Variants in GTF2B observed in about 807,000 individuals in gnomAD.
GTF2B encodes general transcription factor IIB.
Under a neutral mutation model 34.6 loss-of-function variants are expected in GTF2B, and 20 were observed. The ratio of observed to expected loss-of-function variants is 0.58; its 90% CI spans 0.41 to 0.84. GTF2B has a LOEUF of 0.84. GTF2B is among the 40% of genes least tolerant of loss of function. GTF2B has a pLI of 0.00. For missense variants in GTF2B, 237 were observed against 393.3 expected, an observed-to-expected ratio of 0.60 and a Z score of 3.36; for synonymous variants, 142 against 132.4, an observed-to-expected ratio of 1.07 and a Z score of -0.50.
rs1673583211 is a variant in GTF2B, at chr1:88,867,290, A to T, written c.125-3176T>A. ...CATATGTATGCACCTACGTTTTCCTAAAATTTAGATACTGTGCCTGTTTCA... is the reference window on the plus strand; with the variant it reads ...CATATGTATGCACCTACGTTTTCCTTAAATTTAGATACTGTGCCTGTTTCA... On this transcript the variant is annotated intron_variant, in intron 2 of 6. Coordinates refer to ENST00000370500, the MANE Select transcript of GTF2B (RefSeq NM_001514.6). Among the ~76,000 whole-genome samples the T allele has an allele frequency of 2.0e-5, 3 of 152,186 alleles. No homozygotes were observed. In the South Asian group the frequency reaches 6.2e-4, roughly 31 times the overall value.
intron 2 of GTF2B, among the ~76,000 whole-genome samples, chr1:88,872,888 C>T (rs1283166209): frequency 2.0e-5 from 3 of 152,132 alleles, no homozygotes; most frequent in Admixed American, 2.0e-4. Flanking sequence ...GACCCTTTAG[C>T]GCACTGATCA....
chr1:88,881,642 A>G (rs1673943328), intron 2 of GTF2B, among the ~76,000 whole-genome samples: 1 of 152,312 alleles, frequency 6.6e-6, no homozygotes, highest in Middle Eastern at 3.4e-3. Flanking sequence ...TTAACCACAA[A>G]TATCTATGAA....
chr1:88,885,743 T>C (rs981198968), intron 2 of GTF2B, among the ~76,000 whole-genome samples: 1 of 152,152 alleles, frequency 6.6e-6, no homozygotes, highest in Non-Finnish European at 1.5e-5. Context: ...AGAGCAAAAC[T>C]CCGTCTCAAA....
intron 6 of GTF2B, among the ~76,000 whole-genome samples, chr1:88,856,518 C>A (rs1673317477): frequency 6.6e-6 from 1 of 151,978 alleles, no homozygotes; most frequent in African/African-American, 2.4e-5. Context: ...TCTGTAGAAT[C>A]CCATGCCAAG....
chr1:88,874,983 T>G (rs543353460), intron 2 of GTF2B, among the ~76,000 whole-genome samples: 4 of 152,306 alleles, frequency 2.6e-5, no homozygotes, highest in South Asian at 4.1e-4. Flanking sequence ...CAACATGCTG[T>G]AAACAGTCTA....
chr1:88,881,901 C>A (rs1240254965), intron 2 of GTF2B, among the ~76,000 whole-genome samples: 1 of 152,050 alleles, frequency 6.6e-6, no homozygotes, highest in African/African-American at 2.4e-5. Context: ...AGAAAGCATA[C>A]AAGTCTTGTG....
intron 6 of GTF2B, among the ~76,000 whole-genome samples, chr1:88,856,282 A>AAAAAAAAAAAAAAAAAAG (rs1673307476): frequency 8.4e-6 from 1 of 118,472 alleles, no homozygotes; most frequent in Non-Finnish European, 1.8e-5. Context: ...CAAAAAAAAA[A>AAAAAAAAAAAAAAAAAAG]AAAAAAAACA....
At chr1:88,865,551 G>A (rs1330739147) in intron 2 of GTF2B, among the ~76,000 whole-genome samples, 4 of 152,064 alleles carry the variant, frequency 2.6e-5, no homozygotes, top group East Asian at 1.9e-4. Flanking sequence ...GAGAAACCCC[G>A]TCTCTACTAA....
chr1:88,877,650 G>A (rs905489671), intron 2 of GTF2B, among the ~76,000 whole-genome samples: 1 of 152,186 alleles, frequency 6.6e-6, no homozygotes. Flanking sequence ...AAACAGTTTC[G>A]GCCGGACACA....
rs1165333016 is a variant in GTF2B at position 88,891,522 on chromosome 1, G to A, written c.-23C>T. ...CATCTTCACGGCGACTGCGGTGCCC[G>A]CAACAAGACACAACAGACACACCGA... On this transcript the variant is annotated 5_prime_UTR_variant, in exon 1 of 7. Coordinates refer to ENST00000370500, the MANE Select transcript of GTF2B (RefSeq NM_001514.6). 3 of 1,598,440 alleles carry A rather than the reference G, an allele frequency of 1.9e-6. No homozygotes were observed. Among genetic ancestry groups the A allele is most frequent in the East Asian group, 2.3e-5 (1 of 44,170 alleles).
At chr1:88,885,828 T>G (rs1424069377) in intron 2 of GTF2B, among the ~76,000 whole-genome samples, 1 of 152,232 alleles carries the variant, frequency 6.6e-6, no homozygotes, top group Non-Finnish European at 1.5e-5. Flanking sequence ...TTTTGATTTT[T>G]TTTAACCATT....
intron 2 of GTF2B, among the ~76,000 whole-genome samples, chr1:88,876,920 C>G (rs1353808426): frequency 6.6e-6 from 1 of 152,118 alleles, no homozygotes; most frequent in Non-Finnish European, 1.5e-5. Context: ...TCTAGCTATA[C>G]TAGGAGCAAT....
chr1:88,858,263 T>C (rs1673363934), intron 5 of GTF2B, among the ~76,000 whole-genome samples: 1 of 152,214 alleles, frequency 6.6e-6, no homozygotes, highest in Non-Finnish European at 1.5e-5. Flanking sequence ...CCTCACAAAG[T>C]GCTGAGATTA....
At chr1:88,861,211 TGAA>T (rs1274155280) in intron 3 of GTF2B, among the ~76,000 whole-genome samples, 1 of 151,210 alleles carries the variant, frequency 6.6e-6, no homozygotes, top group African/African-American at 2.5e-5. Context: ...GAGACGTTCA[TGAA>T]GAAAACTTTC....
rs768691607 is a variant in GTF2B, at chr1:88,891,534, A to T, written c.-35T>A. On this transcript the variant is annotated 5_prime_UTR_variant, in exon 1 of 7. Transcript: ENST00000370500. ...GACTGCGGTGCCCGCAACAAGACAC[A>T]ACAGACACACCGAAAGCAGGAAGCG... 1.3e-6 allele frequency: 2 copies of T among 1,592,598 alleles called. No individual in the cohort carries two copies. The highest frequency in any genetic ancestry group is 1.1e-5 in the South Asian group (1 of 88,896).
chr1:88,870,192 C>T (rs1294310834), intron 2 of GTF2B, among the ~76,000 whole-genome samples: 2 of 152,214 alleles, frequency 1.3e-5, no homozygotes, highest in Non-Finnish European at 2.9e-5. Flanking sequence ...TCCCAAAGTG[C>T]TGGGATTACA....
intron 2 of GTF2B, among the ~76,000 whole-genome samples, chr1:88,876,481 G>A (rs1673818139): frequency 1.3e-5 from 2 of 152,254 alleles, no homozygotes; most frequent in South Asian, 2.1e-4. Context: ...AGATCAGCCT[G>A]GGCAACACAG....
At chr1:88,870,382 C>T (rs1290108917) in intron 2 of GTF2B, among the ~76,000 whole-genome samples, 2 of 152,170 alleles carry the variant, frequency 1.3e-5, no homozygotes, top group African/African-American at 4.8e-5. Flanking sequence ...CACTAATATA[C>T]TACTGATTTT....
At chr1:88,881,982 G>A (rs189066160) in intron 2 of GTF2B, among the ~76,000 whole-genome samples, 21 of 152,138 alleles carry the variant, frequency 1.4e-4, no homozygotes, top group Admixed American at 3.9e-4. Flanking sequence ...GAGGCTGGTG[G>A]GAAGGCTGAA....
Sources: allele counts gnomAD v4.1 joint callset (sites outside exome capture counted in the v4.1 genomes callset), GRCh38; gene constraint gnomAD v4.1.1; transcripts MANE v1.5; gene names NCBI Gene and HGNC (gene_info 2026-07-23, HGNC 2026-07-21).